Variants in KCNG3 observed in about 807,000 individuals in gnomAD.
KCNG3 encodes the protein potassium voltage-gated channel modifier subfamily G member 3.
A neutral mutation model predicts 29.0 loss-of-function variants in KCNG3; 15 were observed. The ratio of observed to expected loss-of-function variants is 0.52; its 90% CI spans 0.35 to 0.80. The LOEUF is 0.80. Ranked by LOEUF, KCNG3 falls within the 30% of genes least tolerant of loss-of-function variation. The pLI is 0.01. For synonymous variants in KCNG3, 322 were observed against 248.9 expected (o/e 1.29, Z -2.76); for missense variants, 512 against 605.7 (o/e 0.85, Z 1.62).
the KCNG3 span, chr2:42,424,765 T>C: frequency 2.0e-5 from 3 of 152,194 alleles, no homozygotes; most frequent in East Asian, 1.9e-4. Flanking sequence ...ACTGTTTTTA[T>C]GGTTTATGCC....
intron 1 of KCNG3, among the ~76,000 whole-genome samples, chr2:42,477,436 T>A (rs1350567050): frequency 5.6e-5 from 5 of 89,356 alleles, no homozygotes; most frequent in East Asian, 8.5e-4. Context: ...TATTTTTTTT[T>A]TTTTTTTTTG....
At chr2:42,459,981 G>GAA (rs55965070) in intron 1 of KCNG3, among the ~76,000 whole-genome samples, 217 of 145,406 alleles carry the variant, frequency 1.5e-3, no homozygotes, top group South Asian at 4.4e-3. Context: ...ATCTCAAAAA[G>GAA]AAAAAAAAAA....
In KCNG3 at chr2:42,493,119, G is replaced by C; in HGVS notation, c.383C>G (p.Ser128Trp). The C allele has an allele frequency of 6.3e-7, 1 of 1,598,280 alleles. No homozygotes were observed. The highest frequency in any genetic ancestry group is 8.5e-7 in the Non-Finnish European group (1 of 1,176,418). ...GCCCAGCACGCCCGGCTCGTCGGCC[G>C]AGTAGAAGGTGTAGGTGTCGGACAT... ...DRMSDTYTFY[S>W]ADEPGVLGRD... is the part of the protein sequence containing the mutation. Residue 128 changes from serine (S) to tryptophan (W), a missense_variant, in exon 1 of 2, where the codon TCG becomes TGG. Coordinates refer to ENST00000306078, the MANE Select transcript of KCNG3 (RefSeq NM_133329.6).
chr2:42,434,296 A>AT, the KCNG3 span, among the ~76,000 whole-genome samples: 3 of 151,536 alleles, frequency 2.0e-5, no homozygotes, highest in South Asian at 2.1e-4. Flanking sequence ...TACAAAGAAA[A>AT]TTTTTTTTAA....
chr2:42,468,996 A>C (rs1429652128), intron 1 of KCNG3, among the ~76,000 whole-genome samples: 1 of 150,450 alleles, frequency 6.6e-6, no homozygotes, highest in Non-Finnish European at 1.5e-5. Flanking sequence ...AACTCCCTAA[A>C]TCCATAAATT....
chr2:42,469,660 C>T (rs1458921867), intron 1 of KCNG3, among the ~76,000 whole-genome samples: 1 of 151,922 alleles, frequency 6.6e-6, no homozygotes, highest in Non-Finnish European at 1.5e-5. Context: ...ATATTTAAAA[C>T]TTTAAAGAAA....
At position 42,492,996 on chromosome 2, in the gene KCNG3, G is replaced by T; in HGVS notation, c.506C>A (p.Ala169Asp). ...RTFEEPTSSL[A>D]AQILASVSVV... ...CGACACGCTAGCCAGGATCTGCGCG[G>T]CCAGCGACGACGTGGGCTCCTCGAA... Residue 169 changes from alanine to aspartate, a missense_variant, in exon 1 of 2, where the codon GCC becomes GAC. This residue lies in a region of KCNG3 where 228 missense variants were observed against 200.0 expected (regional missense o/e 1.14). Coordinates refer to ENST00000306078, the MANE Select transcript of KCNG3 (RefSeq NM_133329.6). 1 of 1,535,868 alleles carries T rather than the reference G, an allele frequency of 6.5e-7. No individual in the cohort carries two copies. The highest frequency in any genetic ancestry group is 1.7e-4 in the Middle Eastern group (1 of 5,732).
the KCNG3 span, among the ~76,000 whole-genome samples, chr2:42,400,705 A>G: frequency 2.0e-5 from 3 of 152,232 alleles, no homozygotes; most frequent in Non-Finnish European, 4.4e-5. Context: ...TTTATTATCT[A>G]AGAATGAACA....
At chr2:42,468,109 G>A (rs1423988488) in intron 1 of KCNG3, among the ~76,000 whole-genome samples, 1 of 152,010 alleles carries the variant, frequency 6.6e-6, no homozygotes, top group East Asian at 1.9e-4. Flanking sequence ...ATCCAAAAAT[G>A]CATTTAAAAA....
At chr2:42,427,267 G>C in the KCNG3 span, among the ~76,000 whole-genome samples, 2 of 152,274 alleles carry the variant, frequency 1.3e-5, no homozygotes, top group East Asian at 3.9e-4. Flanking sequence ...TTAGTTTATT[G>C]ATCAAACTTA....
At chr2:42,428,024 T>A in the KCNG3 span, among the ~76,000 whole-genome samples, 2 of 152,214 alleles carry the variant, frequency 1.3e-5, no homozygotes, top group African/African-American at 4.8e-5. Context: ...CAAAGACTTA[T>A]AGTGTCTATG....
chr2:42,434,160 T>C, the KCNG3 span, among the ~76,000 whole-genome samples: 240 of 152,132 alleles, frequency 1.6e-3, 1 homozygote, highest in Non-Finnish European at 2.3e-3. Flanking sequence ...CATATAGTAA[T>C]ACAAGGAATG....
intron 1 of KCNG3, chr2:42,463,665 A>AT (rs563467909): frequency 1.1e-5 from 2 of 175,536 alleles, no homozygotes; most frequent in Admixed American, 6.4e-5. Flanking sequence ...TGATTTTAGC[A>AT]TTTTTTCCCC....
chr2:42,461,489 T>C (rs1428916324), intron 1 of KCNG3, among the ~76,000 whole-genome samples: 1 of 151,986 alleles, frequency 6.6e-6, no homozygotes, highest in East Asian at 1.9e-4. Context: ...GTAGAGGACA[T>C]ATGCATACAG....
intron 1 of KCNG3, among the ~76,000 whole-genome samples, chr2:42,466,753 C>CCTTT (rs1553329191): frequency 9.7e-5 from 13 of 134,264 alleles, no homozygotes; most frequent in African/African-American, 8.2e-5. Flanking sequence ...AATACTCTTC[C>CCTTT]TTTTTTTTTT....
chr2:42,472,152 A>C (rs1473627754), intron 1 of KCNG3, among the ~76,000 whole-genome samples: 1 of 152,210 alleles, frequency 6.6e-6, no homozygotes. Flanking sequence ...CTACATGTGC[A>C]CTGAGACATG....
intron 1 of KCNG3, among the ~76,000 whole-genome samples, chr2:42,484,542 G>C (rs2103734677): frequency 6.6e-6 from 1 of 152,310 alleles, no homozygotes; most frequent in South Asian, 2.1e-4. Flanking sequence ...TTGCATGTAT[G>C]TGTTTGTGTG....
chr2:42,403,934 T>C, the KCNG3 span, among the ~76,000 whole-genome samples: 1 of 152,166 alleles, frequency 6.6e-6, no homozygotes, highest in Non-Finnish European at 1.5e-5. Flanking sequence ...TACTTTAACT[T>C]TCTTCTGTTT....
At chr2:42,417,259 A>T in the KCNG3 span, among the ~76,000 whole-genome samples, 29 of 152,042 alleles carry the variant, frequency 1.9e-4, no homozygotes, top group African/African-American at 5.5e-4. Flanking sequence ...TAAAAAAATA[A>T]TTTTTTTTGC....
Sources: allele counts gnomAD v4.1 joint callset (sites outside exome capture counted in the v4.1 genomes callset), GRCh38; gene constraint gnomAD v4.1.1; regional missense constraint gnomAD v4.1.1; transcripts MANE v1.5; gene names NCBI Gene and HGNC (gene_info 2026-07-23, HGNC 2026-07-21).